The following SPAG9 variants were observed in gnomAD, a reference collection of about 807,000 sequenced individuals.
SPAG9 encodes sperm associated antigen 9.
Under a neutral mutation model 166.5 loss-of-function variants are expected in SPAG9, and 35 were observed. That is an observed-to-expected ratio of 0.21 (90% confidence interval 0.16 to 0.28). The LOEUF is 0.28. SPAG9 is among the 10% of genes least tolerant of loss of function. The pLI is 1.00. For missense variants in SPAG9, 1,235 were observed against 1,603.3 expected (o/e 0.77, Z 3.92); for synonymous variants, 534 against 565.5 (o/e 0.94, Z 0.79).
At chr17:50,999,838 A>T in intron 13 of SPAG9, 121 bp from the exon 14 acceptor site, 1 of 717,854 alleles carries the variant, frequency 1.4e-6, no homozygotes, top group Non-Finnish European at 2.4e-6. Flanking sequence ...AATTAAGTTC[A>T]ATAAATACTG....
intron 15 of SPAG9, 145 bp from the exon 16 acceptor site, chr17:50,996,839 C>A: frequency 1.2e-6 from 1 of 817,446 alleles, no homozygotes. Context: ...ATAACAGCTC[C>A]TTAAAAAGTG....
At chr17:50,988,054 A>G (rs1975207101) in intron 21 of SPAG9, among the ~76,000 whole-genome samples, 1 of 152,160 alleles carries the variant, frequency 6.6e-6, no homozygotes, top group Non-Finnish European at 1.5e-5. Flanking sequence ...CATCTCTACT[A>G]AAAATACAAA....
At chr17:51,007,193 T>C in intron 10 of SPAG9, 76 bp downstream of exon 10, 1 of 835,084 alleles carries the variant, frequency 1.2e-6, no homozygotes, top group Non-Finnish European at 1.9e-6. Flanking sequence ...TAGTATTATG[T>C]TAAAACGATG....
At position 51,120,451 on chromosome 17, in the gene SPAG9, T is replaced by C. The variant is rs2144821269; in HGVS notation, c.206A>G (p.Gln69Arg). ...CAGCTCCAGCTCCACCTGGTGCTCC[T>C]GGTCCTGCGCGAACACCGAGTCCAG... ...ENLDSVFAQD[Q>R]EHQVELELLR... The change falls in exon 1 of 30, where the codon CAG (glutamine) becomes CGG (arginine). Residue 69 changes from glutamine (Q) to arginine (R), a missense_variant. Transcript: ENST00000262013. This position sits in a 1 kb window ranked among gnomAD's most constrained non-coding sequence, Gnocchi z 4.7. 1 of 1,613,860 alleles carries C rather than the reference T, an allele frequency of 6.2e-7. No individual in the cohort carries two copies. The highest frequency in any genetic ancestry group is 1.3e-5 in the African/African-American group (1 of 75,046).
intron 1 of SPAG9, among the ~76,000 whole-genome samples, chr17:51,115,878 A>T (rs2049274413): frequency 1.3e-5 from 2 of 152,008 alleles, no homozygotes; most frequent in African/African-American, 4.8e-5. Context: ...AGGAAGGAAG[A>T]CAATGCCTCT....
intron 21 of SPAG9, 50 bp from the exon 22 acceptor site, chr17:50,987,287 T>C (rs771851853): frequency 6.5e-7 from 1 of 1,533,758 alleles, no homozygotes; most frequent in Non-Finnish European, 8.8e-7. Context: ...TTAACTATCG[T>C]TATAGTTTTC....
intron 8 of SPAG9, among the ~76,000 whole-genome samples, chr17:51,017,383 C>G (rs1192680898): frequency 6.6e-6 from 1 of 152,074 alleles, no homozygotes; most frequent in Non-Finnish European, 1.5e-5. Flanking sequence ...TAAGAGAGAG[C>G]TAAGAAGTGA....
At chr17:50,993,097 A>AAAAC (rs2143854369) in intron 19 of SPAG9, among the ~76,000 whole-genome samples, 1 of 83,434 alleles carries the variant, frequency 1.2e-5, no homozygotes, top group South Asian at 3.8e-4. Flanking sequence ...CTCCATCTCA[A>AAAAC]AAAAAAAAAA....
chr17:50,977,350 T>C, intron 26 of SPAG9, 129 bp from the exon 27 acceptor site: 1 of 652,294 alleles, frequency 1.5e-6, no homozygotes, highest in African/African-American at 1.8e-5. Flanking sequence ...GCAGGATTGA[T>C]ACAACACAGA....
intron 2 of SPAG9, among the ~76,000 whole-genome samples, chr17:51,059,484 G>A (rs1311157296): frequency 6.6e-6 from 1 of 152,078 alleles, no homozygotes; most frequent in Non-Finnish European, 1.5e-5. Context: ...AGAAAATTTG[G>A]TGGGTCACGC....
intron 8 of SPAG9, among the ~76,000 whole-genome samples, chr17:51,018,317 ATAGCACCACT>A (rs1159492418): frequency 6.6e-6 from 1 of 151,788 alleles, no homozygotes; most frequent in Non-Finnish European, 1.5e-5. Context: ...GTGAGCTGAG[ATAGCACCACT>A]GCATCCAGCC....
intron 29 of SPAG9, 47 bp downstream of exon 29, chr17:50,970,660 A>AGT: frequency 1.3e-6 from 2 of 1,545,236 alleles, no homozygotes; most frequent in Non-Finnish European, 1.8e-6. Flanking sequence ...ACAAAACCCA[A>AGT]GTCATAGCAC....
chr17:50,981,207 A>G (rs1330405883), intron 25 of SPAG9, among the ~76,000 whole-genome samples: 1 of 152,152 alleles, frequency 6.6e-6, no homozygotes, highest in Non-Finnish European at 1.5e-5. Context: ...ATGGTATATC[A>G]TATTTTTCAC....
intron 16 of SPAG9, 195 bp downstream of exon 16, chr17:50,996,370 C>CA (rs572755261): frequency 1.3e-5 from 8 of 602,060 alleles, no homozygotes; most frequent in African/African-American, 1.3e-4. Flanking sequence ...CTCACAGACT[C>CA]AGAGCATTTC....
intron 3 of SPAG9, among the ~76,000 whole-genome samples, chr17:51,050,763 TAGAC>T (rs1162904671): frequency 4.6e-5 from 7 of 151,654 alleles, no homozygotes; most frequent in Admixed American, 3.3e-4. Context: ...CCAGTGTTGT[TAGAC>T]AGAAAAGAGA....
At chr17:51,028,694 G>A (rs2046281663) in intron 6 of SPAG9, among the ~76,000 whole-genome samples, 1 of 152,160 alleles carries the variant, frequency 6.6e-6, no homozygotes, top group Admixed American at 6.5e-5. Context: ...GTTGTTAAGC[G>A]ACACATGACT....
intron 1 of SPAG9, among the ~76,000 whole-genome samples, chr17:51,118,316 C>A (rs1326954379): frequency 6.6e-6 from 1 of 152,122 alleles, no homozygotes; most frequent in Non-Finnish European, 1.5e-5. Context: ...CAAATAAATT[C>A]ATTGGATAAC....
intron 29 of SPAG9, among the ~76,000 whole-genome samples, 196 bp downstream of exon 29, chr17:50,970,511 T>C (rs1597872917): frequency 2.2e-5 from 2 of 90,812 alleles, no homozygotes; most frequent in Non-Finnish European, 2.3e-5. Context: ...AGACGTCATC[T>C]CAAAAAAAAA....
chr17:51,089,987 T>A (rs1360292251), intron 1 of SPAG9, among the ~76,000 whole-genome samples: 2 of 151,554 alleles, frequency 1.3e-5, no homozygotes, highest in Non-Finnish European at 2.9e-5. Context: ...ATATATACTA[T>A]TTTTTTAAAA....
Sources: gnomAD v4.1 joint callset for allele counts (sites outside exome capture counted in the v4.1 genomes callset) on GRCh38, gnomAD v4.1.1 for gene constraint, Gnocchi (gnomAD v3.1) non-coding constraint, MANE v1.5 for transcripts, NCBI Gene and HGNC (gene_info 2026-07-23, HGNC 2026-07-21) for gene names.